Variants in USP39 observed in about 807,000 individuals in gnomAD.
The protein encoded by USP39 is ubiquitin carboxyl-terminal hydrolase 39.
Under a neutral mutation model 66.4 loss-of-function variants are expected in USP39, and 38 were observed. The ratio of observed to expected loss-of-function variants is 0.57; its 90% CI spans 0.44 to 0.75. USP39 has a LOEUF of 0.75. Ranked by LOEUF, USP39 falls within the 30% of genes least tolerant of loss-of-function variation. USP39 has a pLI of 0.00. For synonymous variants in USP39, 303 were observed against 274.6 expected, an observed-to-expected ratio of 1.10 and a Z score of -1.02; for missense variants, 608 against 714.4, an observed-to-expected ratio of 0.85 and a Z score of 1.70.
chr2:85,611,252 A>G, upstream of USP39: 1 of 1,356,598 alleles, frequency 7.4e-7, no homozygotes, highest in Non-Finnish European at 9.4e-7. Flanking sequence ...CTTAACAAAA[A>G]TTGACCGTCA....
chr2:85,616,576 T>TG (rs1339255023), intron 1 of USP39, 113 bp downstream of exon 1: 2 of 137,064 alleles, frequency 1.5e-5, no homozygotes, highest in South Asian at 5.6e-5. Flanking sequence ...GGGGTGGGGT[T>TG]GGGGTGGAGA....
upstream of USP39, chr2:85,611,731 G>A (rs1673545400): frequency 1.2e-6 from 2 of 1,607,400 alleles, no homozygotes; most frequent in Admixed American, 1.7e-5. Flanking sequence ...GCGGGCGTGT[G>A]CCGCCTCCTC....
At chr2:85,619,367 C>G (rs1054715630) in intron 2 of USP39, 78 bp downstream of exon 2, 1 of 1,453,954 alleles carries the variant, frequency 6.9e-7, no homozygotes, top group Non-Finnish European at 9.4e-7. Flanking sequence ...GTACAGTGAA[C>G]AACACATTGA....
intron 9 of USP39, 63 bp downstream of exon 9, chr2:85,639,454 CTT>C (rs10660019): frequency 0.019 from 21,692 of 1,127,012 alleles, no homozygotes; most frequent in South Asian, 0.029. Context: ...TTTTCATTTT[CTT>C]TTTTTTTTTT....
chr2:85,621,657 C>CATATCTAATAA, intron 3 of USP39, 78 bp downstream of exon 3: 1 of 1,094,080 alleles, frequency 9.1e-7, no homozygotes, highest in African/African-American at 1.6e-5. Context: ...GTAAGCTGTT[C>CATATCTAATAA]TCAGGAATCA....
chr2:85,632,470 CAG>C (rs1287567503), intron 6 of USP39, among the ~76,000 whole-genome samples: 3 of 136,050 alleles, frequency 2.2e-5, no homozygotes, highest in East Asian at 4.4e-4. Context: ...TTTTTTGAGA[CAG>C]AGTCTTGCTC....
At chr2:85,614,410 A>G (rs149568594), upstream of USP39, among the ~76,000 whole-genome samples, 827 of 152,182 alleles carry the variant, frequency 5.4e-3, 12 homozygotes, top group Non-Finnish European at 9.4e-3. Flanking sequence ...GCTACTCAGG[A>G]GTCTGAGGCA....
At chr2:85,626,760 C>T (rs1018820920) in intron 5 of USP39, among the ~76,000 whole-genome samples, 2 of 151,594 alleles carry the variant, frequency 1.3e-5, no homozygotes, top group African/African-American at 2.4e-5. Context: ...GTCTGTTGCC[C>T]AGGCTGGAGT....
intron 11 of USP39, among the ~76,000 whole-genome samples, chr2:85,646,958 G>A (rs1473062610): frequency 6.7e-6 from 1 of 149,776 alleles, no homozygotes; most frequent in Non-Finnish European, 1.5e-5. Flanking sequence ...CATGATCTTG[G>A]CTCACTGCAA....
intron 10 of USP39, 67 bp downstream of exon 10, chr2:85,641,185 C>G: frequency 2.5e-6 from 4 of 1,591,334 alleles, no homozygotes; most frequent in Non-Finnish European, 3.4e-6. Context: ...TGTATTTTTA[C>G]CAGTATTAAT....
At position 85,619,391 on chromosome 2, in the gene USP39, T is replaced by C. The variant is rs973280057; in HGVS notation, c.338+102T>C. 7.3e-6 allele frequency: 9 copies of C among 1,231,488 alleles called. No individual in the cohort carries two copies. In the South Asian group the frequency reaches 9.3e-5, roughly 13 times the overall value. The allele number at this position is 1,231,488 out of a possible 1,614,324, so 76.3% of individuals were successfully genotyped here. A position where few individuals can be genotyped will look rare whatever the true frequency, so the allele number is the denominator to read the frequency against. The stretch of plus-strand genomic sequence containing the variant: ...ACAACACATTGACAAACTTTACTTT[T>C]TTTGAACCTGTCTAGAGAGTTGTGC... On this transcript the variant is annotated intron_variant, in intron 2 of 12. Transcript: ENST00000323701.
intron 11 of USP39, chr2:85,645,725 A>G (rs1306348690): frequency 1.3e-5 from 2 of 152,208 alleles, no homozygotes; most frequent in Non-Finnish European, 2.9e-5. Context: ...CTGACCCTAA[A>G]CATCAGTCAG....
Position 85,630,798 on chromosome 2 carries a change from G to A in USP39, c.801G>A (p.Gly267=). ...DNYKNIKRPP[G]DIMFLLVQRF... ...ATAAGAACATCAAACGTCCTCCAGGGGATATCATGTTCTTGTTGGTCCAGC... is the reference window on the plus strand; with the variant it reads ...ATAAGAACATCAAACGTCCTCCAGGAGATATCATGTTCTTGTTGGTCCAGC... Residue 267 remains glycine (G), a synonymous_variant, in exon 6 of 13, where the codon GGG becomes GGA. Transcript: ENST00000323701. The A allele has an allele frequency of 4.3e-6, 7 of 1,614,132 alleles. No homozygotes were observed. Among genetic ancestry groups the A allele is most frequent in the Non-Finnish European group, 5.9e-6 (7 of 1,180,032 alleles).
At chr2:85,644,464 C>CA (rs1365925029) in intron 10 of USP39, among the ~76,000 whole-genome samples, 1 of 152,138 alleles carries the variant, frequency 6.6e-6, no homozygotes, top group Non-Finnish European at 1.5e-5. Context: ...GACAGGGTCT[C>CA]ACTGTCGCCC....
upstream of USP39, among the ~76,000 whole-genome samples, chr2:85,614,568 G>A (rs771596236): frequency 5.1e-4 from 78 of 152,082 alleles, no homozygotes; most frequent in Non-Finnish European, 9.6e-4. Context: ...ACAGAATAGG[G>A]CGTTCCTGAA....
In USP39 at chr2:85,649,202, A is replaced by C. The variant is rs1676881323; in HGVS notation, c.*394A>C. 5.8e-6 allele frequency: 1 copy of C among 172,552 alleles called. No homozygotes were observed. The highest frequency in any genetic ancestry group is 6.3e-5 in the Admixed American group (1 of 15,934). 10.7% of individuals were successfully genotyped at this position (172,552 alleles called of 1,614,324 possible). A position where few individuals can be genotyped will look rare whatever the true frequency, so the allele number is the denominator to read the frequency against. On this transcript the variant is annotated 3_prime_UTR_variant, in exon 13 of 13. Coordinates refer to ENST00000323701, the MANE Select transcript of USP39 (RefSeq NM_006590.4). ...AAAGCCAGTAACTTCGCTCTGTTAG[A>C]GGTGGAGGATTTTCCTATGGTTCCC... is the stretch of plus-strand genomic sequence containing the variant.
chr2:85,617,075 T>C (rs1445348388), intron 1 of USP39, among the ~76,000 whole-genome samples: 1 of 152,018 alleles, frequency 6.6e-6, no homozygotes, highest in Non-Finnish European at 1.5e-5. Flanking sequence ...CAGTGCTGAT[T>C]TTACAAGTGT....
chr2:85,635,008 A>G (rs188580881), intron 6 of USP39, among the ~76,000 whole-genome samples: 6 of 152,326 alleles, frequency 3.9e-5, no homozygotes, highest in Admixed American at 3.3e-4. Flanking sequence ...TCACATAAAC[A>G]TAATTTCCTC....
upstream of USP39, chr2:85,612,168 A>T: frequency 1.1e-6 from 1 of 905,218 alleles, no homozygotes; most frequent in South Asian, 1.7e-5. Context: ...GGTCGGGTGG[A>T]GTAGGGTATG....
Sources: gnomAD v4.1 joint callset for allele counts (sites outside exome capture counted in the v4.1 genomes callset) on GRCh38, gnomAD v4.1.1 for gene constraint, MANE v1.5 for transcripts, NCBI Gene and HGNC (gene_info 2026-07-23, HGNC 2026-07-21) for gene names.